Variants in WNK2 observed in about 807,000 individuals in gnomAD.
WNK2 encodes WNK lysine deficient protein kinase 2, also known as serine/threonine-protein kinase WNK2.
Under a neutral mutation model 192.1 loss-of-function variants are expected in WNK2, and 67 were observed. The ratio of observed to expected loss-of-function variants is 0.35; its 90% confidence interval spans 0.29 to 0.43. The LOEUF is 0.43. Among genes scored for constraint, WNK2 ranks in the 20% least tolerant of loss-of-function variants. WNK2 has a pLI of 1.00. For synonymous variants in WNK2, 1,439 were observed against 1,393.9 expected (o/e 1.03, Z -0.72); for missense variants, 2,698 against 3,089.7 (o/e 0.87, Z 3.01).
chr9:93,258,894 TG>T, intron 11 of WNK2, 36 bp from the exon 12 acceptor site: 1 of 1,567,204 alleles, frequency 6.4e-7, no homozygotes, highest in Non-Finnish European at 8.7e-7. Flanking sequence ...GGACCCTGGT[TG>T]GGGCCCACAC....
intron 2 of WNK2, among the ~76,000 whole-genome samples, chr9:93,209,464 C>T (rs1439316377): frequency 6.6e-6 from 1 of 152,226 alleles, no homozygotes; most frequent in East Asian, 1.9e-4. Context: ...AGGTGGACCT[C>T]AGTCCCCTCT....
Position 93,235,947 on chromosome 9 carries a change from C to T in WNK2, c.1233+982C>T, listed in dbSNP as rs151147225. On this transcript the variant is annotated intron_variant, in intron 5 of 29. Coordinates refer to ENST00000427277, the MANE Select transcript of WNK2 (RefSeq NM_006648.4). Reference sequence around the variant, plus strand: ...CTGTCCCTTGGTTGTTGTAAATCATCGGTCACTTGGTTGTTCTGAGCCCCT... The same window carrying T: ...CTGTCCCTTGGTTGTTGTAAATCATTGGTCACTTGGTTGTTCTGAGCCCCT... Among the ~76,000 whole-genome samples the T allele has an allele frequency of 1.0e-3, 152 of 152,308 alleles. 2 individuals carry two copies. The highest frequency in any genetic ancestry group is 2.9e-3 in the African/African-American group (119 of 41,558).
At chr9:93,238,390 A>T in intron 6 of WNK2, 69 bp downstream of exon 6, 3 of 1,465,038 alleles carry the variant, frequency 2.0e-6, no homozygotes, top group Middle Eastern at 1.7e-4. Flanking sequence ...TTGCATTGAG[A>T]GCTGTGTTCT....
rs1212259293 is a variant in WNK2 at position 93,256,518 on chromosome 9, G to C, written c.2190+64G>C. 3.5e-6 allele frequency: 5 copies of C among 1,442,310 alleles called. No individual in the cohort carries two copies. The East Asian group carries it at 1.3e-4, about 37-fold the overall frequency. 89.3% of individuals were successfully genotyped at this position (1,442,310 alleles called of 1,614,324 possible). Reference sequence around the variant, plus strand: ...CAGGCAGTCACCTGTGCTGGCCCCTGGGCCCAGGTCTATGAGCACCTCCCA... The same window carrying C: ...CAGGCAGTCACCTGTGCTGGCCCCTCGGCCCAGGTCTATGAGCACCTCCCA... On this transcript the variant is annotated intron_variant, in intron 10 of 29. Coordinates refer to ENST00000427277, the MANE Select transcript of WNK2 (RefSeq NM_006648.4).
At chr9:93,271,289 A>G (rs1442379363) in intron 19 of WNK2, among the ~76,000 whole-genome samples, 1 of 152,236 alleles carries the variant, frequency 6.6e-6, no homozygotes, top group Non-Finnish European at 1.5e-5. Flanking sequence ...AAATATTAAC[A>G]TTCATCATAA....
chr9:93,241,067 C>A (rs762019324), intron 7 of WNK2, among the ~76,000 whole-genome samples: 1 of 152,200 alleles, frequency 6.6e-6, no homozygotes, highest in Non-Finnish European at 1.5e-5. Context: ...GGGCAGTGGA[C>A]GCCAGAGAGG....
In WNK2 at chr9:93,292,493, T is replaced by G; in HGVS notation, c.5028T>G (p.Asp1676Glu). The G allele has an allele frequency of 6.2e-7, 1 of 1,602,124 alleles. No individual in the cohort carries two copies. The highest frequency in any genetic ancestry group is 8.5e-7 in the Non-Finnish European group (1 of 1,172,682). The change falls in exon 23 of 30, where the codon GAT becomes GAG. Residue 1676 changes from aspartate (D) to glutamate (E), a missense_variant and splice_region_variant. Transcript: ENST00000427277. The part of the protein sequence containing the change: ...DSHVVPSVPQ[D>E]VPAFVRPARV... ...TTCATCTCCGCTTGTTTCCCAAGGATGTACCTGCTTTTGTGAGACCTGCAC... is the reference window on the plus strand; with the variant it reads ...TTCATCTCCGCTTGTTTCCCAAGGAGGTACCTGCTTTTGTGAGACCTGCAC...
intron 2 of WNK2, among the ~76,000 whole-genome samples, chr9:93,223,677 A>G (rs1276039036): frequency 2.0e-5 from 3 of 152,002 alleles, no homozygotes; most frequent in South Asian, 2.1e-4. Context: ...CCCTCTCTCC[A>G]CTTTGTGGTG....
intron 2 of WNK2, among the ~76,000 whole-genome samples, chr9:93,224,094 G>A (rs1022448674): frequency 2.6e-5 from 4 of 152,092 alleles, no homozygotes; most frequent in Non-Finnish European, 4.4e-5. Flanking sequence ...TTTGATTTAC[G>A]GCCCCACGGA....
chr9:93,233,364 C>T (rs1839233375), intron 4 of WNK2, among the ~76,000 whole-genome samples: 1 of 152,074 alleles, frequency 6.6e-6, no homozygotes, highest in African/African-American at 2.4e-5. Flanking sequence ...GAAATCTAAA[C>T]CATATTCTTG....
At chr9:93,314,598 T>C (rs1854281447) in intron 28 of WNK2, among the ~76,000 whole-genome samples, 1 of 152,170 alleles carries the variant, frequency 6.6e-6, no homozygotes, top group Non-Finnish European at 1.5e-5. Context: ...ATGCCAGCCA[T>C]TTATAAGCAA....
intron 7 of WNK2, among the ~76,000 whole-genome samples, chr9:93,243,128 C>T (rs1039673158): frequency 6.6e-6 from 1 of 152,162 alleles, no homozygotes; most frequent in East Asian, 1.9e-4. Context: ...AGTGTTGCTG[C>T]CTCCACCAGA....
chr9:93,231,173 GC>G, intron 4 of WNK2, 65 bp downstream of exon 4: 1 of 1,499,708 alleles, frequency 6.7e-7, no homozygotes, highest in Non-Finnish European at 9.2e-7. Flanking sequence ...GTGAGTGCTG[GC>G]GAGCATCCAG....
intron 29 of WNK2, among the ~76,000 whole-genome samples, chr9:93,320,153 G>A (rs902684764): frequency 2.6e-5 from 4 of 152,258 alleles, no homozygotes; most frequent in African/African-American, 9.6e-5. Context: ...CAGCCGTTCA[G>A]TGTGCTGACT....
In WNK2 at chr9:93,299,111, C is replaced by A. The variant is rs1296549792; in HGVS notation, c.5965C>A (p.Pro1989Thr). 1 of 1,611,630 alleles carries A rather than the reference C, an allele frequency of 6.2e-7. No individual in the cohort carries two copies. The highest frequency in any genetic ancestry group is 8.5e-7 in the Non-Finnish European group (1 of 1,179,654). ...DSSRGPPAKD[P>T]AQASVGLTAD... Reference sequence around the variant, plus strand: ...CAGCAGAGGCCCTCCCGCTAAGGACCCTGCCCAAGCCAGTGTGGGGCTCAC... The same window carrying A: ...CAGCAGAGGCCCTCCCGCTAAGGACACTGCCCAAGCCAGTGTGGGGCTCAC... Residue 1989 changes from proline (P) to threonine (T), a missense_variant, in exon 25 of 30, where the codon CCT (proline) becomes ACT (threonine). This residue lies in a region of WNK2 where 1,098 missense variants were observed against 1,101.0 expected (regional missense o/e 1.00). Coordinates refer to ENST00000427277, the MANE Select transcript of WNK2 (RefSeq NM_006648.4).
intron 23 of WNK2, among the ~76,000 whole-genome samples, chr9:93,293,890 T>C (rs1043882145): frequency 2.6e-5 from 4 of 152,126 alleles, no homozygotes; most frequent in African/African-American, 9.6e-5. Context: ...CCACTCTGTT[T>C]CTGGCACACT....
intron 26 of WNK2, among the ~76,000 whole-genome samples, chr9:93,301,710 G>A (rs544762944): frequency 4.1e-4 from 63 of 152,294 alleles, no homozygotes; most frequent in African/African-American, 1.1e-3. Context: ...CTGCATGTGC[G>A]GCTCGATCTG....
At chr9:93,246,685 G>A (rs1194083926) in intron 7 of WNK2, among the ~76,000 whole-genome samples, 2 of 152,228 alleles carry the variant, frequency 1.3e-5, no homozygotes, top group Non-Finnish European at 2.9e-5. Context: ...CTCCCTCTGT[G>A]CCTGGCACTG....
chr9:93,269,767 T>C (rs1220326366), intron 19 of WNK2, among the ~76,000 whole-genome samples: 1 of 152,160 alleles, frequency 6.6e-6, no homozygotes, highest in Non-Finnish European at 1.5e-5. Context: ...TAGAATGAAA[T>C]TAAACCCTCT....
Sources: gnomAD v4.1 joint callset for allele counts (sites outside exome capture counted in the v4.1 genomes callset) on GRCh38, gnomAD v4.1.1 for gene constraint, gnomAD v4.1.1 regional missense constraint, MANE v1.5 for transcripts, NCBI Gene and HGNC (gene_info 2026-07-23, HGNC 2026-07-21) for gene names.